The following NMNAT1 variants were observed in gnomAD, a reference collection of about 807,000 sequenced individuals.
NMNAT1 encodes nicotinamide/nicotinic acid mononucleotide adenylyltransferase 1.
Under a neutral mutation model 16.7 loss-of-function variants are expected in NMNAT1, and 11 were observed. That is an observed-to-expected ratio of 0.66 (90% CI 0.41 to 1.09). The LOEUF (loss-of-function observed/expected upper bound fraction) is 1.09. NMNAT1 is among the 50% of genes least tolerant of loss of function. The pLI is 0.00. For synonymous variants in NMNAT1, 110 were observed against 119.8 expected (o/e 0.92, Z 0.53); for missense variants, 280 against 332.3 (o/e 0.84, Z 1.22).
the NMNAT1 span, among the ~76,000 whole-genome samples, chr1:9,994,732 C>G: frequency 6.6e-6 from 1 of 151,956 alleles, no homozygotes. Flanking sequence ...CTGCCTCAGC[C>G]TCCCGAGTAG....
At chr1:9,996,047 C>G in the NMNAT1 span, among the ~76,000 whole-genome samples, 1 of 151,244 alleles carries the variant, frequency 6.6e-6, no homozygotes, top group East Asian at 2.0e-4. Flanking sequence ...CGCAGTGGCT[C>G]AGGCCTGTAA....
At chr1:9,995,014 C>T in the NMNAT1 span, among the ~76,000 whole-genome samples, 39 of 152,198 alleles carry the variant, frequency 2.6e-4, no homozygotes, top group African/African-American at 9.1e-4. Context: ...TCCCAAAGTG[C>T]TGGGATTACA....
downstream of NMNAT1, among the ~76,000 whole-genome samples, chr1:9,989,186 G>GT (rs1329196157): frequency 4.6e-5 from 7 of 152,068 alleles, no homozygotes; most frequent in African/African-American, 1.7e-4. Flanking sequence ...AGGCTCAGCT[G>GT]GGCACAGTAG....
At chr1:9,972,986 T>G (rs1193518630) in intron 2 of NMNAT1, among the ~76,000 whole-genome samples, 1 of 152,144 alleles carries the variant, frequency 6.6e-6, no homozygotes, top group Non-Finnish European at 1.5e-5. Context: ...AGGAATTTGA[T>G]TCTGTCATGC....
chr1:9,945,191 G>A (rs1298723698), intron 1 of NMNAT1, among the ~76,000 whole-genome samples: 2 of 152,238 alleles, frequency 1.3e-5, no homozygotes, highest in African/African-American at 4.8e-5. Flanking sequence ...CCAAGATCAC[G>A]ACGCTGCACT....
intron 1 of NMNAT1, among the ~76,000 whole-genome samples, chr1:9,950,235 C>T (rs757119209): frequency 7.9e-5 from 12 of 152,108 alleles, no homozygotes; most frequent in Middle Eastern, 3.2e-3. Context: ...GGATTACAGG[C>T]ACCTGCAACC....
At chr1:9,957,384 G>A (rs1409424321) in intron 1 of NMNAT1, among the ~76,000 whole-genome samples, 3 of 147,808 alleles carry the variant, frequency 2.0e-5, no homozygotes, top group South Asian at 2.1e-4. Flanking sequence ...GCAGTGCCGC[G>A]ATCTTGGCTC....
Position 9,982,831 on chromosome 1 carries a change from GGC to G in NMNAT1, c.*131_*132del. The G allele has an allele frequency of 1.0e-6, 1 of 983,610 alleles. No individual in the cohort carries two copies. The highest frequency in any genetic ancestry group is 1.7e-5 in the South Asian group (1 of 57,376). The allele number at this position is 983,610 out of a possible 1,614,324, so 60.9% of individuals were successfully genotyped here. On this transcript the variant is annotated 3_prime_UTR_variant, in exon 5 of 5. Coordinates refer to ENST00000377205, the MANE Select transcript of NMNAT1 (RefSeq NM_022787.4). ...TTAAAAGTTTAGTAAAAATCGTCTG[GGC>G]ACAGTGGCTCACGCCTGTAATCCCA...
intron 1 of NMNAT1, among the ~76,000 whole-genome samples, chr1:9,969,683 G>A (rs923755729): frequency 3.9e-5 from 6 of 152,178 alleles, no homozygotes; most frequent in African/African-American, 7.2e-5. Flanking sequence ...CCTGGGAGGT[G>A]GAGGTTGCAG....
At chr1:9,950,155 A>G (rs1336300881) in intron 1 of NMNAT1, among the ~76,000 whole-genome samples, 2 of 152,100 alleles carry the variant, frequency 1.3e-5, no homozygotes, top group Non-Finnish European at 2.9e-5. Flanking sequence ...CAGTGACGCA[A>G]TCTCGGCTCA....
chr1:9,991,737 TGGATTATAATAATGATAAA>T, the NMNAT1 span, among the ~76,000 whole-genome samples: 3 of 152,080 alleles, frequency 2.0e-5, no homozygotes. Flanking sequence ...AAGATAATTA[TGGATTATAATAATGATAAA>T]GGACGTAAGC....
chr1:9,985,756 G>C (rs1642037699), downstream of NMNAT1, among the ~76,000 whole-genome samples: 2 of 152,180 alleles, frequency 1.3e-5, no homozygotes, highest in South Asian at 4.1e-4. Flanking sequence ...TCTGCCTCCT[G>C]GGTTCAAGCA....
Position 9,982,608 on chromosome 1 carries a change from A to G in NMNAT1, c.747A>G (p.Glu249=), listed in dbSNP as rs771642123. The G allele has an allele frequency of 1.2e-5, 19 of 1,614,056 alleles. No homozygotes were observed. In the African/African-American group the frequency reaches 1.5e-4, roughly 12 times the overall value. ...LVPDLVQEYI[E]KHNLYSSESE... is the part of the protein sequence containing the mutation. ...CAGATCTTGTCCAAGAATACATTGA[A>G]AAGCATAATTTGTACAGCTCTGAGA... The change falls in exon 5 of 5, where the codon GAA becomes GAG. Residue 249 remains glutamate, a synonymous_variant. Coordinates refer to ENST00000377205, the MANE Select transcript of NMNAT1 (RefSeq NM_022787.4).
chr1:9,996,687 T>C, the NMNAT1 span, among the ~76,000 whole-genome samples: 3 of 152,134 alleles, frequency 2.0e-5, no homozygotes, highest in Non-Finnish European at 4.4e-5. Context: ...ACCTTGAATG[T>C]GGATGTCCTG....
At chr1:9,952,983 C>T (rs1408935017) in intron 1 of NMNAT1, among the ~76,000 whole-genome samples, 1 of 151,562 alleles carries the variant, frequency 6.6e-6, no homozygotes, top group Non-Finnish European at 1.5e-5. Flanking sequence ...AGATTGTATG[C>T]ATGTTTTTTT....
chr1:9,989,500 C>G (rs1642084376), downstream of NMNAT1, among the ~76,000 whole-genome samples: 1 of 151,720 alleles, frequency 6.6e-6, no homozygotes, highest in Admixed American at 6.6e-5. Context: ...GGAGAAGCAG[C>G]TGGATATTGG....
chr1:9,949,821 CT>C (rs975232904), intron 1 of NMNAT1: 14 of 152,012 alleles, frequency 9.2e-5, no homozygotes, highest in African/African-American at 3.4e-4. Context: ...TTACTGGGGT[CT>C]TTTGAAACTA....
downstream of NMNAT1, among the ~76,000 whole-genome samples, chr1:9,989,944 G>A (rs528408860): frequency 2.0e-5 from 3 of 152,312 alleles, no homozygotes; most frequent in Admixed American, 6.5e-5. Context: ...GTGCCCAAAA[G>A]CACTTGCCCC....
At chr1:9,989,896 T>C (rs1222951572), downstream of NMNAT1, among the ~76,000 whole-genome samples, 1 of 152,202 alleles carries the variant, frequency 6.6e-6, no homozygotes, top group Non-Finnish European at 1.5e-5. Flanking sequence ...CCTCACCAGA[T>C]GCTGCTGCGG....
Sources: allele counts gnomAD v4.1 joint callset (sites outside exome capture counted in the v4.1 genomes callset), GRCh38; gene constraint gnomAD v4.1.1; transcripts MANE v1.5; gene names NCBI Gene and HGNC (gene_info 2026-07-23, HGNC 2026-07-21).